The following ARHGEF17 variants were observed in gnomAD, a reference collection of about 807,000 sequenced individuals.
ARHGEF17 encodes 164 kDa Rho-specific guanine-nucleotide exchange factor.
Under a neutral mutation model 174.0 loss-of-function variants are expected in ARHGEF17, and 80 were observed. That is an observed-to-expected ratio of 0.46 (90% confidence interval 0.38 to 0.55). The LOEUF is 0.55. Ranked by LOEUF, ARHGEF17 falls within the 20% of genes least tolerant of loss-of-function variation. The pLI is 0.00. For missense variants in ARHGEF17, 2,886 were observed against 2,839.7 expected (o/e 1.02, Z -0.37); for synonymous variants, 1,311 against 1,189.1 (o/e 1.10, Z -2.11).
chr11:73,310,989 G>A lies in ARHGEF17; in HGVS notation c.2351G>A (p.Ser784Asn). Residue 784 changes from serine to asparagine, a missense_variant, in exon 1 of 21, where the codon AGT (serine) becomes AAT (asparagine). Ser to Asn is a conservative substitution (Grantham distance 46). This residue lies in a region of ARHGEF17 where 1,728 missense variants were observed against 1,461.2 expected (regional missense o/e 1.18). Coordinates refer to ENST00000263674, the MANE Select transcript of ARHGEF17 (RefSeq NM_014786.4). Reference sequence around the variant, plus strand: ...GATGAGGGCTTGACCAGTGGTCACAGTGACTGGTCTGTGGGCAGTGAAGAG... The same window carrying A: ...GATGAGGGCTTGACCAGTGGTCACAATGACTGGTCTGTGGGCAGTGAAGAG... ...AMDEGLTSGH[S>N]DWSVGSEESK... 1 of 1,614,206 alleles carries A rather than the reference G, an allele frequency of 6.2e-7. No individual in the cohort carries two copies. The highest frequency in any genetic ancestry group is 2.2e-5 in the East Asian group (1 of 44,884).
At position 73,348,500 on chromosome 11, in the gene ARHGEF17, G is replaced by GA. The variant is rs556082615; in HGVS notation, c.3270+1543dup. Among the ~76,000 whole-genome samples the GA allele has an allele frequency of 6.4e-4, 98 of 152,314 alleles. 2 individuals are homozygous for GA. The highest frequency in any genetic ancestry group is 2.9e-3 in the Admixed American group (44 of 15,302). On this transcript the variant is annotated intron_variant, in intron 2 of 20. Transcript: ENST00000263674. ...GAGCCTGGAGGACATGATGCCAAGT[G>GA]AAAGAAGCCAGTCTCAAAGGACAAG...
intron 1 of ARHGEF17, among the ~76,000 whole-genome samples, chr11:73,332,875 G>A (rs1654561736): frequency 6.6e-6 from 1 of 152,200 alleles, no homozygotes; most frequent in Non-Finnish European, 1.5e-5. Context: ...AGAGCGCTTA[G>A]TAAGCAGCGC....
At chr11:73,351,408 T>A (rs756462785) in intron 2 of ARHGEF17, among the ~76,000 whole-genome samples, 4 of 152,272 alleles carry the variant, frequency 2.6e-5, no homozygotes, top group African/African-American at 9.6e-5. Flanking sequence ...AGCTGGGCTA[T>A]TAAAGCTAGG....
At chr11:73,318,607 G>C (rs1864966058) in intron 1 of ARHGEF17, among the ~76,000 whole-genome samples, 1 of 152,230 alleles carries the variant, frequency 6.6e-6, no homozygotes, top group Non-Finnish European at 1.5e-5. Flanking sequence ...TTTAGCCTGG[G>C]CGACAGAGTG....
In ARHGEF17 at chr11:73,342,100, C is replaced by T. The variant is rs567451836; in HGVS notation, c.3193-4783C>T. ...AGTCTAGGGGTGCACAGTCTAGGTA[C>T]GGGAGCACAGTCTAGGGGTGGGAGC... is the stretch of plus-strand genomic sequence containing the variant. On this transcript the variant is annotated intron_variant, in intron 1 of 20. Transcript: ENST00000263674. Among the ~76,000 whole-genome samples, 6 of 149,386 alleles carry T rather than the reference C, an allele frequency of 4.0e-5. No homozygotes were observed. In the East Asian group the frequency reaches 1.2e-3, roughly 30 times the overall value.
At chr11:73,364,786 G>T in intron 18 of ARHGEF17, 186 bp downstream of exon 18, 1 of 696,812 alleles carries the variant, frequency 1.4e-6, no homozygotes, top group Non-Finnish European at 2.3e-6. Context: ...TAGCTGATGA[G>T]GAATACAGTA....
intron 6 of ARHGEF17, 62 bp downstream of exon 6, chr11:73,356,413 C>T: frequency 6.6e-7 from 1 of 1,514,858 alleles, no homozygotes; most frequent in South Asian, 1.2e-5. Context: ...TCCACTCGGC[C>T]TCTGTGTGCA....
intron 1 of ARHGEF17, among the ~76,000 whole-genome samples, chr11:73,331,358 G>T (rs55851019): frequency 0.06 from 9,080 of 152,226 alleles, 959 homozygotes; most frequent in African/African-American, 0.21. Flanking sequence ...AGGCCATGGA[G>T]GGGACCCTGG....
At chr11:73,367,177 G>A (rs544628901) in intron 20 of ARHGEF17, among the ~76,000 whole-genome samples, 9 of 152,336 alleles carry the variant, frequency 5.9e-5, no homozygotes, top group African/African-American at 2.2e-4. Context: ...AAAGCCTCGG[G>A]TCAGGAGTTG....
At chr11:73,314,871 C>T (rs548248920) in intron 1 of ARHGEF17, among the ~76,000 whole-genome samples, 45 of 152,282 alleles carry the variant, frequency 3.0e-4, no homozygotes, top group African/African-American at 9.6e-4. Flanking sequence ...CACCTTCTGC[C>T]CTCAGGTCCC....
intron 10 of ARHGEF17, 40 bp downstream of exon 10, chr11:73,359,992 G>T: frequency 6.6e-7 from 1 of 1,523,078 alleles, no homozygotes; most frequent in Non-Finnish European, 8.9e-7. Flanking sequence ...CCAGAGGGTG[G>T]GAGGCTTCTG....
Position 73,308,630 on chromosome 11 carries a change from T to C in ARHGEF17, c.-9T>C. The C allele has an allele frequency of 6.8e-7, 1 of 1,477,692 alleles. No homozygotes were observed. The highest frequency in any genetic ancestry group is 8.9e-7 in the Non-Finnish European group (1 of 1,118,146). 91.5% of individuals were successfully genotyped at this position (1,477,692 alleles called of 1,614,324 possible). ...CGAGGCCAGCCCCCCCGGAGTGAGT[T>C]ACGCCACTATGGCGGACGGGGCACC... On this transcript the variant is annotated 5_prime_UTR_variant, in exon 1 of 21. Transcript: ENST00000263674.
rs1865629100 is a variant in ARHGEF17 at position 73,355,858 on chromosome 11, C to T, written c.3571-3C>T. The stretch of plus-strand genomic sequence containing the variant: ...TCACATGATGCCCATCCATGGGTTT[C>T]AGCAAAGCATGCGTGAGAACAAGGA... On this transcript the variant is annotated splice_polypyrimidine_tract_variant and splice_region_variant and intron_variant, in intron 4 of 20. Coordinates refer to ENST00000263674, the MANE Select transcript of ARHGEF17 (RefSeq NM_014786.4). The T allele has an allele frequency of 6.2e-7, 1 of 1,614,166 alleles. No individual in the cohort carries two copies. The highest frequency in any genetic ancestry group is 8.5e-7 in the Non-Finnish European group (1 of 1,180,028).
intron 1 of ARHGEF17, among the ~76,000 whole-genome samples, chr11:73,344,568 C>T (rs1356944361): frequency 3.9e-5 from 6 of 152,308 alleles, no homozygotes; most frequent in South Asian, 2.1e-4. Flanking sequence ...GGCCCAGGGC[C>T]GCGCCTGGCC....
intron 13 of ARHGEF17, 32 bp downstream of exon 13, chr11:73,362,271 G>T (rs764138516): frequency 4.7e-6 from 7 of 1,479,956 alleles, no homozygotes; most frequent in Non-Finnish European, 6.2e-6. Flanking sequence ...GGGCGGCACC[G>T]CGGGCCTGGG....
At position 73,363,321 on chromosome 11, in the gene ARHGEF17, C is replaced by T. The variant is rs755513585; in HGVS notation, c.5112C>T (p.Gly1704=). 1.2e-5 allele frequency: 19 copies of T among 1,612,806 alleles called. No individual in the cohort carries two copies. Among genetic ancestry groups the T allele is most frequent in the Admixed American group, 3.3e-5 (2 of 59,996 alleles). ...SGSFGPGGPC[G]TSPMDGRALR... is the part of the protein sequence containing the mutation. ...CCTTTGGGCCTGGTGGTCCCTGCGGCACCAGCCCAATGGATGGGAGAGCCC... is the reference window on the plus strand; with the variant it reads ...CCTTTGGGCCTGGTGGTCCCTGCGGTACCAGCCCAATGGATGGGAGAGCCC... Residue 1704 remains glycine, a synonymous_variant, in exon 15 of 21, where the codon GGC becomes GGT. Transcript: ENST00000263674.
At chr11:73,311,890 C>A (rs1445318587) in intron 1 of ARHGEF17, 60 bp downstream of exon 1, 3 of 1,517,526 alleles carry the variant, frequency 2.0e-6, no homozygotes, top group Non-Finnish European at 1.8e-6. Flanking sequence ...GCACCGACTT[C>A]GGTTGGAGCC....
intron 7 of ARHGEF17, 61 bp from the exon 8 acceptor site, chr11:73,356,964 G>T: frequency 1.9e-6 from 3 of 1,568,356 alleles, no homozygotes; most frequent in Non-Finnish European, 2.6e-6. Context: ...GGCACTATGG[G>T]CAGGGGGGTG....
chr11:73,351,962 C>A (rs541190539), intron 2 of ARHGEF17, among the ~76,000 whole-genome samples: 17 of 152,226 alleles, frequency 1.1e-4, no homozygotes, highest in African/African-American at 4.1e-4. Flanking sequence ...TTTTAATATC[C>A]CTAAATCAGG....
Sources: allele counts gnomAD v4.1 joint callset (sites outside exome capture counted in the v4.1 genomes callset), GRCh38; gene constraint gnomAD v4.1.1; regional missense constraint gnomAD v4.1.1; transcripts MANE v1.5; gene names NCBI Gene and HGNC (gene_info 2026-07-23, HGNC 2026-07-21).